The following PARD3B variants were observed in gnomAD, a reference collection of about 807,000 sequenced individuals.
PARD3B encodes partitioning defective 3 homolog B.
Under a neutral mutation model 130.2 loss-of-function variants are expected in PARD3B, and 103 were observed. That is an observed-to-expected ratio of 0.79 (90% CI 0.67 to 0.93). The LOEUF (loss-of-function observed/expected upper bound fraction) is 0.93. PARD3B is among the 40% of genes least tolerant of loss of function. The pLI, the probability that PARD3B is intolerant of heterozygous loss-of-function variation, is 0.00. For synonymous variants in PARD3B, 583 were observed against 553.2 expected, an observed-to-expected ratio of 1.05 and a Z score of -0.76; for missense variants, 1,609 against 1,499.2, an observed-to-expected ratio of 1.07 and a Z score of -1.21.
At chr2:204,547,163 C>T (rs1306305122) in intron 1 of PARD3B, among the ~76,000 whole-genome samples, 1 of 152,130 alleles carries the variant, frequency 6.6e-6, no homozygotes, top group East Asian at 1.9e-4. Flanking sequence ...TTTCTTTTAA[C>T]TTCTTATCGG....
At chr2:205,556,091 TG>T (rs2052870872) in intron 22 of PARD3B, among the ~76,000 whole-genome samples, 3 of 152,270 alleles carry the variant, frequency 2.0e-5, no homozygotes, top group African/African-American at 7.2e-5. Context: ...TGTCTCCTTT[TG>T]CCAGGAGAGT....
At chr2:205,435,178 G>A (rs2106142279) in intron 19 of PARD3B, among the ~76,000 whole-genome samples, 1 of 152,016 alleles carries the variant, frequency 6.6e-6, no homozygotes, top group Admixed American at 6.5e-5. Context: ...GGAATTTTTT[G>A]TGTATTCTTC....
intron 7 of PARD3B, among the ~76,000 whole-genome samples, 160 bp downstream of exon 7, chr2:205,119,206 A>C (rs555647866): frequency 6.6e-6 from 1 of 152,246 alleles, no homozygotes; most frequent in African/African-American, 2.4e-5. Flanking sequence ...GTTTTAGCCT[A>C]CTCAAAGGTG....
At chr2:205,017,380 G>A (rs910548425) in intron 3 of PARD3B, among the ~76,000 whole-genome samples, 2 of 152,068 alleles carry the variant, frequency 1.3e-5, no homozygotes, top group Non-Finnish European at 2.9e-5. Flanking sequence ...GATCCACCTG[G>A]TTATTTTGCT....
intron 4 of PARD3B, among the ~76,000 whole-genome samples, chr2:205,054,192 A>G (rs1699431159): frequency 6.6e-6 from 1 of 151,604 alleles, no homozygotes; most frequent in African/African-American, 2.4e-5. Context: ...AGAGTTTTTC[A>G]CCATATCTCA....
At chr2:205,526,091 T>G (rs952232456) in intron 21 of PARD3B, among the ~76,000 whole-genome samples, 6 of 152,198 alleles carry the variant, frequency 3.9e-5, no homozygotes, top group African/African-American at 1.4e-4. Flanking sequence ...ACTACATTGC[T>G]CATCCATTTC....
At chr2:204,566,149 T>C (rs1490199754) in intron 1 of PARD3B, among the ~76,000 whole-genome samples, 1 of 152,236 alleles carries the variant, frequency 6.6e-6, no homozygotes, top group East Asian at 1.9e-4. Flanking sequence ...CCAAAAGTTA[T>C]TAGACACATT....
intron 2 of PARD3B, among the ~76,000 whole-genome samples, chr2:204,687,452 G>A (rs1436049553): frequency 6.6e-6 from 1 of 152,100 alleles, no homozygotes; most frequent in Non-Finnish European, 1.5e-5. Flanking sequence ...TAGTGGACAT[G>A]GACTTGGGAG....
intron 21 of PARD3B, among the ~76,000 whole-genome samples, chr2:205,527,465 G>C (rs967034724): frequency 1.3e-5 from 2 of 152,178 alleles, no homozygotes; most frequent in African/African-American, 2.4e-5. Flanking sequence ...CGAGGTTGAT[G>C]ATAAATCACT....
intron 15 of PARD3B, among the ~76,000 whole-genome samples, chr2:205,226,872 A>G (rs2038579294): frequency 1.3e-5 from 2 of 151,852 alleles, no homozygotes; most frequent in South Asian, 4.2e-4. Flanking sequence ...AGATTTTAGG[A>G]TTGTCTTTTT....
intron 2 of PARD3B, among the ~76,000 whole-genome samples, chr2:204,821,789 G>C (rs1047002406): frequency 6.6e-6 from 1 of 152,084 alleles, no homozygotes; most frequent in African/African-American, 2.4e-5. Flanking sequence ...CCATCCATGT[G>C]AGACGTGACT....
Position 204,922,064 on chromosome 2 carries a change from A to C in PARD3B, c.223-43088A>C, listed in dbSNP as rs573576413. The stretch of plus-strand genomic sequence containing the variant: ...TTTAAGTGAGAAGACCAGCAGAAGT[A>C]TGAGTGGGGTGAGATCATGAATTTA... On this transcript the variant is annotated intron_variant, in intron 2 of 22. Transcript: ENST00000406610. Among the ~76,000 whole-genome samples, 4 of 152,210 alleles carry C rather than the reference A, an allele frequency of 2.6e-5. No individual in the cohort carries two copies. The South Asian group carries it at 8.3e-4, about 32-fold the overall frequency.
At chr2:204,738,264 C>G (rs1574855872) in intron 2 of PARD3B, among the ~76,000 whole-genome samples, 1 of 152,126 alleles carries the variant, frequency 6.6e-6, no homozygotes, top group South Asian at 2.1e-4. Flanking sequence ...TTTTGTAGTT[C>G]TCCTTGTGGA....
chr2:204,636,643 T>TACC (rs1559198585), intron 1 of PARD3B, among the ~76,000 whole-genome samples: 1 of 152,168 alleles, frequency 6.6e-6, no homozygotes, highest in African/African-American at 2.4e-5. Flanking sequence ...CTGTTTTAGT[T>TACC]ACCCTCCTGC....
At chr2:205,086,175 A>T (rs539039176) in intron 4 of PARD3B, among the ~76,000 whole-genome samples, 10 of 152,192 alleles carry the variant, frequency 6.6e-5, no homozygotes, top group Non-Finnish European at 1.3e-4. Context: ...GGCATTTCTA[A>T]TCTCACTTAA....
intron 15 of PARD3B, among the ~76,000 whole-genome samples, chr2:205,231,742 C>T (rs1022919895): frequency 4.6e-5 from 7 of 152,144 alleles, no homozygotes; most frequent in Non-Finnish European, 1.0e-4. Flanking sequence ...AGAAATGGAG[C>T]TATGAGTCAG....
chr2:204,714,051 C>T (rs1247056990), intron 2 of PARD3B, among the ~76,000 whole-genome samples: 1 of 152,044 alleles, frequency 6.6e-6, no homozygotes, highest in Admixed American at 6.5e-5. Flanking sequence ...TTAAACCCAC[C>T]CTTCTGTATA....
intron 18 of PARD3B, among the ~76,000 whole-genome samples, chr2:205,314,894 G>A (rs938777722): frequency 4.6e-5 from 7 of 152,048 alleles, no homozygotes; most frequent in African/African-American, 1.2e-4. Context: ...CGTGATGTCC[G>A]GGATGCCTCC....
intron 20 of PARD3B, among the ~76,000 whole-genome samples, chr2:205,487,654 T>A (rs2049498250): frequency 6.6e-6 from 1 of 152,198 alleles, no homozygotes; most frequent in Non-Finnish European, 1.5e-5. Flanking sequence ...ACTTCTATGT[T>A]GTGTCCTCTG....
Sources: gnomAD v4.1 joint callset for allele counts (sites outside exome capture counted in the v4.1 genomes callset) on GRCh38, gnomAD v4.1.1 for gene constraint, MANE v1.5 for transcripts, NCBI Gene and HGNC (gene_info 2026-07-23, HGNC 2026-07-21) for gene names.